The following KIRREL3 variants were observed in gnomAD, a reference collection of about 807,000 sequenced individuals.
KIRREL3 encodes the protein kirre like nephrin family adhesion molecule 3, also known as kin of IRRE-like protein 3.
In KIRREL3, 36 loss-of-function variants were observed where a neutral mutation model predicts 89.7. The ratio of observed to expected loss-of-function variants is 0.40; its 90% CI spans 0.31 to 0.53. The LOEUF is 0.53. Ranked by LOEUF, KIRREL3 falls within the 20% of genes least tolerant of loss-of-function variation. The pLI, the probability that KIRREL3 is intolerant of heterozygous loss-of-function variation, is 0.49. For missense variants in KIRREL3, 864 were observed against 1,056.6 expected (o/e 0.82, Z 2.53); for synonymous variants, 445 against 441.4 (o/e 1.01, Z -0.10).
At chr11:126,616,842 A>C (rs759603719) in intron 1 of KIRREL3, among the ~76,000 whole-genome samples, 1 of 152,012 alleles carries the variant, frequency 6.6e-6, no homozygotes, top group Admixed American at 6.5e-5. Context: ...GGGTCTCACT[A>C]TTTTGCCCAG....
chr11:126,438,271 G>A (rs1395688554), intron 11 of KIRREL3, among the ~76,000 whole-genome samples: 3 of 152,268 alleles, frequency 2.0e-5, no homozygotes, highest in African/African-American at 7.2e-5. Context: ...ACCTTCGTCT[G>A]CCTTAGTTTA....
chr11:126,857,983 G>T (rs1291245406), intron 1 of KIRREL3, among the ~76,000 whole-genome samples: 1 of 152,144 alleles, frequency 6.6e-6, no homozygotes, highest in Non-Finnish European at 1.5e-5. Context: ...GGCACAAGCT[G>T]CAGATGAAAG....
In KIRREL3 at chr11:126,872,905, C is replaced by T. The variant is rs11220644; in HGVS notation, c.55+127550G>A. ...TGACGGCCACTGTTCACCAGCTGTG[C>T]CGAGTTACTACACAGCCTGGAGGTC... On this transcript the variant is annotated intron_variant, in intron 1 of 16. Transcript: ENST00000525144. This position sits in a 1 kb window ranked among gnomAD's most constrained non-coding sequence, Gnocchi z 4.2. Among the ~76,000 whole-genome samples the T allele has an allele frequency of 0.02, 3,069 of 152,096 alleles. 29 individuals are homozygous for T. The highest frequency in any genetic ancestry group is 0.033 in the Non-Finnish European group (2,273 of 67,992).
Position 126,424,414 on chromosome 11 carries a change from T to G in KIRREL3, c.*166A>C. ...GGCACACAGCACCTGGGGACCCAGA[T>G]TTGTGCTTGATCAGAGCTTCGAAGG... On this transcript the variant is annotated 3_prime_UTR_variant, in exon 17 of 17. Coordinates refer to ENST00000525144, the MANE Select transcript of KIRREL3 (RefSeq NM_032531.4). The G allele has an allele frequency of 8.3e-6, 4 of 481,896 alleles. No homozygotes were observed. Among genetic ancestry groups the G allele is most frequent in the Non-Finnish European group, 1.5e-5 (4 of 268,694 alleles). The allele number at this position is 481,896 out of a possible 1,614,324, so 29.9% of individuals were successfully genotyped here.
chr11:126,835,351 G>A (rs939512), intron 1 of KIRREL3, among the ~76,000 whole-genome samples: 42,261 of 152,122 alleles, frequency 0.28, 5,971 homozygotes, highest in East Asian at 0.43. Flanking sequence ...CTTTAACAAT[G>A]AGTGATGTCC....
At chr11:126,861,572 C>G (rs1944706297) in intron 1 of KIRREL3, among the ~76,000 whole-genome samples, 1 of 152,198 alleles carries the variant, frequency 6.6e-6, no homozygotes. Context: ...AGTGTGCCAA[C>G]TGGCAAATGA....
chr11:126,745,926 G>A (rs991175001), intron 1 of KIRREL3, among the ~76,000 whole-genome samples: 7 of 152,196 alleles, frequency 4.6e-5, no homozygotes, highest in Non-Finnish European at 2.9e-5. Flanking sequence ...CACACTAGTG[G>A]TTACTATGAC....
intron 1 of KIRREL3, among the ~76,000 whole-genome samples, chr11:126,947,025 C>T (rs1469649097): frequency 6.6e-6 from 1 of 152,118 alleles, no homozygotes; most frequent in African/African-American, 2.4e-5. Context: ...AAGTTCCTAA[C>T]TGCTAACTTT....
chr11:126,864,188 G>A lies in KIRREL3; in HGVS notation c.55+136267C>T, dbSNP rs569706552. 3.9e-5 allele frequency among the ~76,000 whole-genome samples: 6 copies of A among 152,294 alleles called. No individual in the cohort carries two copies. In the South Asian group the frequency reaches 6.2e-4, roughly 16 times the overall value. On this transcript the variant is annotated intron_variant, in intron 1 of 16. Coordinates refer to ENST00000525144, the MANE Select transcript of KIRREL3 (RefSeq NM_032531.4). ...TTTCATGTGAAGTGGAGAAGGTGGA[G>A]TTATTATTCTCATTTTAGGGATAAG...
At position 126,891,571 on chromosome 11, in the gene KIRREL3, C is replaced by A. The variant is rs12271047; in HGVS notation, c.55+108884G>T. 0.048 allele frequency among the ~76,000 whole-genome samples: 7,334 copies of A among 152,246 alleles called. 591 individuals carry two copies. Among genetic ancestry groups the A allele is most frequent in the African/African-American group, 0.17 (6,949 of 41,510 alleles). ...AGGGTGCTCCGACTGTTAGTCTGTCCTGCTATCACTATCACTGTCAGGGAG... is the reference window on the plus strand; with the variant it reads ...AGGGTGCTCCGACTGTTAGTCTGTCATGCTATCACTATCACTGTCAGGGAG... On this transcript the variant is annotated intron_variant, in intron 1 of 16. Transcript: ENST00000525144. This position sits in a 1 kb window ranked among gnomAD's most constrained non-coding sequence, Gnocchi z 5.1.
At chr11:126,679,671 A>T (rs1237945041) in intron 1 of KIRREL3, among the ~76,000 whole-genome samples, 2 of 152,248 alleles carry the variant, frequency 1.3e-5, no homozygotes, top group African/African-American at 2.4e-5. Context: ...TCTGGTTGGC[A>T]TAATAGTACT....
Position 126,568,712 on chromosome 11 carries a change from T to TC in KIRREL3, c.56-5801dup, listed in dbSNP as rs1054337973. Among the ~76,000 whole-genome samples the TC allele has an allele frequency of 2.0e-5, 3 of 152,122 alleles. No homozygotes were observed. Among genetic ancestry groups the TC allele is most frequent in the African/African-American group, 7.2e-5 (3 of 41,430 alleles). On this transcript the variant is annotated intron_variant, in intron 1 of 16. Transcript: ENST00000525144. This position sits in a 1 kb window ranked among gnomAD's most constrained non-coding sequence, Gnocchi z 4.6. ...AACGTTGATTCTAACGGTAAGACCC[T>TC]CCTCACATGATTCATATGAAAAGCA...
rs1376931619 is a variant in KIRREL3 at position 126,606,175 on chromosome 11, C to T, written c.56-43263G>A. On this transcript the variant is annotated intron_variant, in intron 1 of 16. Coordinates refer to ENST00000525144, the MANE Select transcript of KIRREL3 (RefSeq NM_032531.4). This position sits in a 1 kb window ranked among gnomAD's most constrained non-coding sequence, Gnocchi z 4.6. ...AGCCATGGGAAGCTCTTAGCAGGCA[C>T]CCAGCATCTAAAGCACTCAAATCAG... Among the ~76,000 whole-genome samples the T allele has an allele frequency of 2.0e-5, 3 of 152,162 alleles. No homozygotes were observed. Among genetic ancestry groups the T allele is most frequent in the Non-Finnish European group, 4.4e-5 (3 of 68,042 alleles).
Position 126,811,075 on chromosome 11 carries a change from C to T in KIRREL3, c.55+189380G>A, listed in dbSNP as rs921168253. 2.0e-5 allele frequency among the ~76,000 whole-genome samples: 3 copies of T among 152,202 alleles called. No individual in the cohort carries two copies. The highest frequency in any genetic ancestry group is 1.9e-4 in the East Asian group (1 of 5,196). On this transcript the variant is annotated intron_variant, in intron 1 of 16. Coordinates refer to ENST00000525144, the MANE Select transcript of KIRREL3 (RefSeq NM_032531.4). The surrounding 1 kb of genome is among the most constrained non-coding windows in gnomAD (Gnocchi z 4.3). Reference sequence around the variant, plus strand: ...CCTTCCCTGGCTACACCCATGGGCACCTGGTGGCCCTGCTGAGGGCCAAAT... The same window carrying T: ...CCTTCCCTGGCTACACCCATGGGCATCTGGTGGCCCTGCTGAGGGCCAAAT...
At chr11:126,938,879 A>G (rs1025025619) in intron 1 of KIRREL3, among the ~76,000 whole-genome samples, 4 of 152,168 alleles carry the variant, frequency 2.6e-5, no homozygotes, top group Admixed American at 2.6e-4. Context: ...CAATTAAAAC[A>G]CCAGTTTTTG....
Position 126,455,805 on chromosome 11 carries a change from CAAAG to C in KIRREL3, c.848+540_848+543del, listed in dbSNP as rs1287622186. 6.6e-6 allele frequency among the ~76,000 whole-genome samples: 1 copy of C among 151,846 alleles called. No homozygotes were observed. Among genetic ancestry groups the C allele is most frequent in the South Asian group, 2.1e-4 (1 of 4,812 alleles). On this transcript the variant is annotated intron_variant, in intron 7 of 16. Coordinates refer to ENST00000525144, the MANE Select transcript of KIRREL3 (RefSeq NM_032531.4). This position sits in a 1 kb window ranked among gnomAD's most constrained non-coding sequence, Gnocchi z 6.4. ...GAGCGAGACTCTGTCTCAAAACAAA[CAAAG>C]AAACAAACAAACAAACAAACCAACA...
At chr11:126,907,296 G>A (rs1204120996) in intron 1 of KIRREL3, among the ~76,000 whole-genome samples, 1 of 152,148 alleles carries the variant, frequency 6.6e-6, no homozygotes, top group African/African-American at 2.4e-5. Context: ...GGCGAGGGAG[G>A]GGTCTGCATT....
rs1196880587 is a variant in KIRREL3 at position 126,707,342 on chromosome 11, T to G, written c.56-144430A>C. Among the ~76,000 whole-genome samples, 5 of 151,848 alleles carry G rather than the reference T, an allele frequency of 3.3e-5. No homozygotes were observed. In the East Asian group the frequency reaches 9.7e-4, roughly 29 times the overall value. On this transcript the variant is annotated intron_variant, in intron 1 of 16. Transcript: ENST00000525144. ...TTGTCTGATTTTATGGTTTCGTCTT[T>G]CATCTAGGCGGAATTTGTCTTGCTA...
At chr11:126,599,552 T>G (rs897451145) in intron 1 of KIRREL3, among the ~76,000 whole-genome samples, 1 of 152,140 alleles carries the variant, frequency 6.6e-6, no homozygotes, top group African/African-American at 2.4e-5. Flanking sequence ...GAGGCCCACA[T>G]AGAAAGTAGG....
Sources: gnomAD v4.1 joint callset for allele counts (sites outside exome capture counted in the v4.1 genomes callset) on GRCh38, gnomAD v4.1.1 for gene constraint, Gnocchi (gnomAD v3.1) non-coding constraint, MANE v1.5 for transcripts, NCBI Gene and HGNC (gene_info 2026-07-23, HGNC 2026-07-21) for gene names.